PHLDB2: variants seen among roughly 807,000 people sequenced by gnomAD.
The protein encoded by PHLDB2 is pleckstrin homology like domain family B member 2.
In PHLDB2, 71 loss-of-function variants were observed where a neutral mutation model predicts 123.6. The observed-to-expected ratio is 0.57, with a 90% CI of 0.47 to 0.70. PHLDB2 has a LOEUF of 0.70. PHLDB2 is among the 30% of genes least tolerant of loss of function. The probability of loss-of-function intolerance (pLI) is 0.00; values close to 1 mark genes in which losing one functional copy is unlikely to be tolerated. For missense variants in PHLDB2, 1,446 were observed against 1,519.5 expected, an observed-to-expected ratio of 0.95 and a Z score of 0.80; for synonymous variants, 547 against 541.6, an observed-to-expected ratio of 1.01 and a Z score of -0.14.
At chr3:111,952,283 C>T (rs1237707336) in intron 10 of PHLDB2, among the ~76,000 whole-genome samples, 1 of 152,156 alleles carries the variant, frequency 6.6e-6, no homozygotes, top group Non-Finnish European at 1.5e-5. Flanking sequence ...ACATGGCGAC[C>T]ATCATAATAA....
At chr3:111,854,694 T>C (rs1045869189), upstream of PHLDB2, among the ~76,000 whole-genome samples, 1 of 152,228 alleles carries the variant, frequency 6.6e-6, no homozygotes, top group African/African-American at 2.4e-5. Context: ...TGTTTCAAAG[T>C]GAGCAGGTAT....
chr3:111,911,503 A>C, intron 2 of PHLDB2: 1 of 888,448 alleles, frequency 1.1e-6, no homozygotes, highest in Non-Finnish European at 1.7e-6. Context: ...AAAATAAGGC[A>C]ATGAAGGCTA....
chr3:111,953,983 A>G lies in PHLDB2; in HGVS notation c.2826A>G (p.Ser942=), dbSNP rs373359660. Residue 942 remains serine, a synonymous_variant, in exon 12 of 18, where the codon TCA becomes TCG. Transcript: ENST00000431670. ...SNSCGSVLPP[S]LAAMAKDSES... ...GCTGTGGAAGTGTGCTCCCTCCCTC[A>G]CTGGCAGCCATGGCCAAAGACTCAG... The G allele has an allele frequency of 8.1e-6, 13 of 1,613,056 alleles. No individual in the cohort carries two copies. Among genetic ancestry groups the G allele is most frequent in the Non-Finnish European group, 1.0e-5 (12 of 1,179,632 alleles).
rs2061916732 is a variant in PHLDB2 at position 111,813,135 on chromosome 3, TA to T, written c.-48-32679del. 2.0e-5 allele frequency among the ~76,000 whole-genome samples: 3 copies of T among 152,288 alleles called. No individual in the cohort carries two copies. The South Asian group carries it at 6.2e-4, about 32-fold the overall frequency. ...TGAATGGACACTTCCCATTCAAGTA[TA>T]AAAAAACTGTAGGAGGAGTTGGGCA... On this transcript the variant is annotated intron_variant, in intron 1 of 17. Coordinates refer to the PHLDB2 transcript ENST00000393923.
At chr3:111,849,436 G>A (rs149969408) in intron 2 of PHLDB2, among the ~76,000 whole-genome samples, 15,484 of 152,186 alleles carry the variant, frequency 0.1, 1,026 homozygotes, top group South Asian at 0.17. Context: ...CTCCCAAAGC[G>A]CTGGGATTCC....
chr3:111,851,521 A>ACG (rs2064255876), intron 2 of PHLDB2, among the ~76,000 whole-genome samples: 1 of 152,196 alleles, frequency 6.6e-6, no homozygotes, highest in South Asian at 2.1e-4. Context: ...CCTAATGAAT[A>ACG]CGCAGTTCTC....
At chr3:111,742,507 G>C (rs978962061) in intron 1 of PHLDB2, among the ~76,000 whole-genome samples, 1 of 151,630 alleles carries the variant, frequency 6.6e-6, no homozygotes, top group Non-Finnish European at 1.5e-5. Context: ...TCCCCTTCCT[G>C]TGTCCAAGTG....
At chr3:111,947,431 T>A (rs751904268) in intron 9 of PHLDB2, among the ~76,000 whole-genome samples, 1 of 152,186 alleles carries the variant, frequency 6.6e-6, no homozygotes, top group Non-Finnish European at 1.5e-5. Context: ...ACTCACAAGA[T>A]GTTTTTCTTT....
chr3:111,749,755 A>T (rs1020163330), intron 1 of PHLDB2, among the ~76,000 whole-genome samples: 3 of 152,142 alleles, frequency 2.0e-5, no homozygotes, highest in African/African-American at 7.2e-5. Flanking sequence ...TTTTTTCTTT[A>T]ACAATAGTAT....
At chr3:111,864,424 GAACTT>G (rs144071017) in intron 1 of PHLDB2, among the ~76,000 whole-genome samples, 4,990 of 152,292 alleles carry the variant, frequency 0.033, 273 homozygotes, top group African/African-American at 0.11. Context: ...TAGCAAGGCA[GAACTT>G]CTCTCTATGT....
At chr3:111,880,102 G>A (rs573333663) in intron 1 of PHLDB2, among the ~76,000 whole-genome samples, 8 of 151,046 alleles carry the variant, frequency 5.3e-5, no homozygotes, top group African/African-American at 7.3e-5. Flanking sequence ...TTTCTCCAGC[G>A]GATATGTATT....
intron 2 of PHLDB2, among the ~76,000 whole-genome samples, chr3:111,895,032 A>G (rs112293463): frequency 2.8e-5 from 4 of 142,866 alleles, no homozygotes; most frequent in Non-Finnish European, 4.6e-5. Flanking sequence ...TGGGCTGCCA[A>G]TTGTCCTCCA....
intron 1 of PHLDB2, among the ~76,000 whole-genome samples, chr3:111,793,134 C>G (rs1051422999): frequency 1.3e-5 from 2 of 152,174 alleles, no homozygotes; most frequent in African/African-American, 4.8e-5. Flanking sequence ...GCTTCCCCCA[C>G]CCAACCCAGG....
intron 1 of PHLDB2, among the ~76,000 whole-genome samples, chr3:111,791,553 A>G (rs1409432015): frequency 1.3e-5 from 2 of 152,246 alleles, no homozygotes; most frequent in African/African-American, 2.4e-5. Flanking sequence ...TACCAACTCA[A>G]TCTCCCTGGT....
intron 10 of PHLDB2, chr3:111,949,813 C>T (rs1008904184): frequency 1.0e-6 from 1 of 985,738 alleles, no homozygotes; most frequent in Non-Finnish European, 1.2e-6. Flanking sequence ...ATCTGTCGAT[C>T]CTTTACCTTT....
chr3:111,857,450 CA>C (rs72339280), upstream of PHLDB2, among the ~76,000 whole-genome samples: 32 of 113,436 alleles, frequency 2.8e-4, no homozygotes, highest in Admixed American at 3.8e-4. Flanking sequence ...GGCCCTGTCT[CA>C]AAAAAAAAAA....
intron 1 of PHLDB2, among the ~76,000 whole-genome samples, chr3:111,874,752 G>A (rs1288497263): frequency 6.6e-6 from 1 of 152,114 alleles, no homozygotes; most frequent in Non-Finnish European, 1.5e-5. Flanking sequence ...GAGAAGAACT[G>A]GAATATTAGT....
intron 1 of PHLDB2, among the ~76,000 whole-genome samples, chr3:111,798,670 C>A (rs1459277293): frequency 1.8e-5 from 1 of 55,154 alleles, no homozygotes; most frequent in Non-Finnish European, 5.5e-5. Flanking sequence ...AGGGCCGGAG[C>A]CTGTCTCTAA....
intron 9 of PHLDB2, 55 bp from the exon 10 acceptor site, chr3:111,948,877 C>T (rs898140611): frequency 9.6e-6 from 15 of 1,568,172 alleles, no homozygotes; most frequent in East Asian, 9.0e-5. Flanking sequence ...TTAATACTCT[C>T]GCATGCCTCA....
Sources: allele counts gnomAD v4.1 joint callset (sites outside exome capture counted in the v4.1 genomes callset), GRCh38; gene constraint gnomAD v4.1.1; transcripts MANE v1.5; gene names NCBI Gene and HGNC (gene_info 2026-07-23, HGNC 2026-07-21).